Variants in LHPP observed in about 807,000 individuals in gnomAD.
LHPP encodes hLHPP.
Under a neutral mutation model 30.3 loss-of-function variants are expected in LHPP, and 24 were observed. The ratio of observed to expected loss-of-function variants is 0.79; its 90% CI spans 0.57 to 1.11. LHPP has a LOEUF of 1.11. Among genes scored for constraint, LHPP ranks in the 50% most tolerant of loss-of-function variants. The pLI is 0.00. For synonymous variants in LHPP, 150 were observed against 157.1 expected, an observed-to-expected ratio of 0.95 and a Z score of 0.34; for missense variants, 356 against 367.2, an observed-to-expected ratio of 0.97 and a Z score of 0.25.
At chr10:124,532,447 G>T (rs1469294050) in intron 6 of LHPP, among the ~76,000 whole-genome samples, 1 of 152,214 alleles carries the variant, frequency 6.6e-6, no homozygotes, top group Non-Finnish European at 1.5e-5. Context: ...CAGTGCCTCC[G>T]ATTCCAGTCC....
At chr10:124,488,177 G>A (rs919451285) in intron 2 of LHPP, among the ~76,000 whole-genome samples, 3 of 152,164 alleles carry the variant, frequency 2.0e-5, no homozygotes, top group Admixed American at 6.5e-5. Context: ...ATGTGGTATT[G>A]GGATGGAGGG....
chr10:124,612,208 G>A (rs111649930), intron 6 of LHPP, among the ~76,000 whole-genome samples: 45 of 151,974 alleles, frequency 3.0e-4, no homozygotes, highest in East Asian at 1.2e-3. Flanking sequence ...GTCGGAGACC[G>A]GCCTGGCCAA....
At chr10:124,513,284 T>A (rs926456434) in intron 5 of LHPP, among the ~76,000 whole-genome samples, 4 of 152,014 alleles carry the variant, frequency 2.6e-5, no homozygotes, top group Non-Finnish European at 5.9e-5. Context: ...GGTCTGGAAC[T>A]CCTGGGCTCA....
intron 6 of LHPP, among the ~76,000 whole-genome samples, chr10:124,529,615 T>A (rs963748001): frequency 1.3e-5 from 2 of 152,156 alleles, no homozygotes; most frequent in African/African-American, 4.8e-5. Context: ...ATCCAGGAGC[T>A]GAGGGCCAGG....
chr10:124,596,255 T>C lies in LHPP; in HGVS notation c.717-17009T>C, dbSNP rs1948940667. On this transcript the variant is annotated intron_variant, in intron 6 of 6. Coordinates refer to ENST00000368842, the MANE Select transcript of LHPP (RefSeq NM_022126.4). This position sits in a 1 kb window ranked among gnomAD's most constrained non-coding sequence, Gnocchi z 4.6. ...TCTTGGTGGACATAGCCTCATTTCA[T>C]GTGTGTGACTCAGGAGTGAGGTTGC... 6.6e-6 allele frequency among the ~76,000 whole-genome samples: 1 copy of C among 152,106 alleles called. No individual in the cohort carries two copies. The highest frequency in any genetic ancestry group is 1.5e-5 in the Non-Finnish European group (1 of 67,998).
At position 124,496,166 on chromosome 10, in the gene LHPP, C is replaced by T. The variant is rs9422994; in HGVS notation, c.468-795C>T. 5.1e-3 allele frequency among the ~76,000 whole-genome samples: 776 copies of T among 152,312 alleles called. 6 individuals carry two copies. The highest frequency in any genetic ancestry group is 0.016 in the African/African-American group (686 of 41,584). ...TCAATGAACTGCGTCTTCAGAGCAGCGCAGGTTAAACCACTTTCTCGCCTC... is the reference window on the plus strand; with the variant it reads ...TCAATGAACTGCGTCTTCAGAGCAGTGCAGGTTAAACCACTTTCTCGCCTC... On this transcript the variant is annotated intron_variant, in intron 3 of 6. Transcript: ENST00000368842. The surrounding 1 kb of genome is among the most constrained non-coding windows in gnomAD (Gnocchi z 4.3).
chr10:124,491,648 G>A (rs1953533574), intron 3 of LHPP, among the ~76,000 whole-genome samples: 1 of 152,214 alleles, frequency 6.6e-6, no homozygotes, highest in South Asian at 2.1e-4. Context: ...ATGTGGGCTG[G>A]GGACAGTGGC....
rs1329447112 is a variant in LHPP, at chr10:124,488,624, G to A, written c.467+49G>A. The A allele has an allele frequency of 4.6e-6, 7 of 1,536,854 alleles. No individual in the cohort carries two copies. The Admixed American group carries it at 8.3e-5, about 18-fold the overall frequency. ...ATTTCTCGGTGCTTTAGATGATGCT[G>A]TGCCAGTCTCCAACTTGCGGAATCA... is the stretch of plus-strand genomic sequence containing the variant. On this transcript the variant is annotated intron_variant, in intron 3 of 6. Transcript: ENST00000368842.
chr10:124,501,178 G>A (rs1953886396), intron 5 of LHPP, among the ~76,000 whole-genome samples: 1 of 151,952 alleles, frequency 6.6e-6, no homozygotes, highest in Admixed American at 6.5e-5. Context: ...ATTCTTCCAT[G>A]TATAGCAAAT....
intron 6 of LHPP, among the ~76,000 whole-genome samples, chr10:124,582,856 G>A (rs1024096468): frequency 6.7e-6 from 1 of 149,932 alleles, no homozygotes; most frequent in Non-Finnish European, 1.5e-5. Context: ...AAAAAAAAAA[G>A]AAGAAGAAAA....
intron 5 of LHPP, among the ~76,000 whole-genome samples, chr10:124,501,676 C>T (rs1463209501): frequency 6.6e-6 from 1 of 151,060 alleles, no homozygotes; most frequent in Non-Finnish European, 1.5e-5. Flanking sequence ...TCTGAATGTG[C>T]TCGATGCCAG....
At chr10:124,587,793 G>T (rs956451236) in intron 6 of LHPP, among the ~76,000 whole-genome samples, 1 of 93,486 alleles carries the variant, frequency 1.1e-5, no homozygotes, top group African/African-American at 4.0e-5. Flanking sequence ...GAGTTTAAAA[G>T]AAAAAGGCTA....
rs201360925 is a variant in LHPP, at chr10:124,484,184, G to C, written c.171G>C (p.Ser57=). 6.2e-7 allele frequency: 1 copy of C among 1,613,994 alleles called. No individual in the cohort carries two copies. ...AGGTGAGGTTCTGCACCAACGAGTC[G>C]CAGAAGTCCCGGGCAGAGCTGGTGG... ...RLKVRFCTNE[S]QKSRAELVGQ... Residue 57 remains serine, a synonymous_variant, in exon 2 of 7, where the codon TCG becomes TCC. Transcript: ENST00000368842.
chr10:124,563,611 T>C (rs1212912695), intron 6 of LHPP, among the ~76,000 whole-genome samples: 1 of 152,228 alleles, frequency 6.6e-6, no homozygotes, highest in Non-Finnish European at 1.5e-5. Flanking sequence ...AATTGTTGAC[T>C]TTGATATTGT....
chr10:124,549,273 A>C (rs1035447399), intron 6 of LHPP, among the ~76,000 whole-genome samples: 1 of 152,038 alleles, frequency 6.6e-6, no homozygotes. Flanking sequence ...CTGTCTCTAT[A>C]AAAAAATAAA....
chr10:124,603,338 CCTT>C (rs929566060), intron 6 of LHPP, among the ~76,000 whole-genome samples: 6 of 152,150 alleles, frequency 3.9e-5, no homozygotes, highest in Non-Finnish European at 8.8e-5. Flanking sequence ...CCCCACCCCT[CCTT>C]GTTACAGAGG....
At chr10:124,570,703 T>A (rs904886072) in intron 6 of LHPP, among the ~76,000 whole-genome samples, 6 of 152,248 alleles carry the variant, frequency 3.9e-5, no homozygotes, top group African/African-American at 4.8e-5. Context: ...GCATTTCATG[T>A]AAATGGAATC....
Position 124,589,191 on chromosome 10 carries a change from A to G in LHPP, c.717-24073A>G, listed in dbSNP as rs78669665. 6.1e-3 allele frequency among the ~76,000 whole-genome samples: 935 copies of G among 152,362 alleles called. 2 individuals carry two copies. The highest frequency in any genetic ancestry group is 1.0e-2 in the Non-Finnish European group (679 of 68,026). ...TGGGGACAGTCCGTGCAGAAATGTCAGGAGCCTTTTCCTGCATAAGGCATC... is the reference window on the plus strand; with the variant it reads ...TGGGGACAGTCCGTGCAGAAATGTCGGGAGCCTTTTCCTGCATAAGGCATC... On this transcript the variant is annotated intron_variant, in intron 6 of 6. Transcript: ENST00000368842.
At chr10:124,518,052 T>A (rs139615740) in intron 6 of LHPP, among the ~76,000 whole-genome samples, 1 of 152,162 alleles carries the variant, frequency 6.6e-6, no homozygotes, top group Non-Finnish European at 1.5e-5. Flanking sequence ...TCCTGAGAGA[T>A]CTGCTTAGGC....
Sources: gnomAD v4.1 joint callset for allele counts (sites outside exome capture counted in the v4.1 genomes callset) on GRCh38, gnomAD v4.1.1 for gene constraint, Gnocchi (gnomAD v3.1) non-coding constraint, MANE v1.5 for transcripts, NCBI Gene and HGNC (gene_info 2026-07-23, HGNC 2026-07-21) for gene names.